COBL: variants seen among roughly 807,000 people sequenced by gnomAD.
COBL encodes the protein cordon-bleu WH2 repeat protein, also known as protein cordon-bleu.
In COBL, 51 loss-of-function variants were observed where a neutral mutation model predicts 98.8. The ratio of observed to expected loss-of-function variants is 0.52; its 90% CI spans 0.41 to 0.65. The LOEUF (loss-of-function observed/expected upper bound fraction) is 0.65. Ranked by LOEUF, COBL falls within the 30% of genes least tolerant of loss-of-function variation. The probability of loss-of-function intolerance (pLI) is 0.00; values close to 1 mark genes in which losing one functional copy is unlikely to be tolerated. For missense variants in COBL, 1,617 were observed against 1,617.5 expected (o/e 1.00, Z 0.01); for synonymous variants, 634 against 651.7 (o/e 0.97, Z 0.41).
intron 7 of COBL, among the ~76,000 whole-genome samples, chr7:51,082,540 A>G (rs1185584231): frequency 6.6e-6 from 1 of 152,232 alleles, no homozygotes; most frequent in East Asian, 1.9e-4. Flanking sequence ...GTACACTCAA[A>G]GTGAGCTGCT....
intron 6 of COBL, among the ~76,000 whole-genome samples, chr7:51,089,671 T>G (rs2128947539): frequency 6.6e-6 from 1 of 152,338 alleles, no homozygotes; most frequent in South Asian, 2.1e-4. Flanking sequence ...GTTAGCCATA[T>G]ATTTTCCTGT....
intron 1 of COBL, among the ~76,000 whole-genome samples, chr7:51,241,803 CA>C (rs1795819613): frequency 6.6e-6 from 1 of 152,178 alleles, no homozygotes; most frequent in South Asian, 2.1e-4. Flanking sequence ...TCACAAGGTC[CA>C]TCCTGCAGAG....
Position 51,252,343 on chromosome 7 carries a change from C to T in COBL, c.42-32399G>A, listed in dbSNP as rs1211640590. Among the ~76,000 whole-genome samples, 4 of 152,300 alleles carry T rather than the reference C, an allele frequency of 2.6e-5. No homozygotes were observed. The East Asian group carries it at 7.7e-4, about 29-fold the overall frequency. On this transcript the variant is annotated intron_variant, in intron 1 of 12. Transcript: ENST00000265136. Reference sequence around the variant, plus strand: ...TTTTTATCATCCCCAAAGGAAATCCCAAACCCATTAGCATCAGCAGTCACC... The same window carrying T: ...TTTTTATCATCCCCAAAGGAAATCCTAAACCCATTAGCATCAGCAGTCACC...
chr7:51,070,433 G>A (rs1030042866), intron 7 of COBL, among the ~76,000 whole-genome samples: 6 of 59,468 alleles, frequency 1.0e-4, no homozygotes, highest in East Asian at 8.4e-4. Context: ...ACAAAATTCC[G>A]AGAAGCCAGA....
Position 51,028,063 on chromosome 7 carries a change from C to A in COBL, c.3033G>T (p.Glu1011Asp). 1 of 1,612,498 alleles carries A rather than the reference C, an allele frequency of 6.2e-7. No individual in the cohort carries two copies. Among genetic ancestry groups the A allele is most frequent in the South Asian group, 1.1e-5 (1 of 90,656 alleles). The change falls in exon 10 of 13, where the codon GAG becomes GAT. Residue 1011 changes from glutamate to aspartate, a missense_variant. Transcript: ENST00000265136. ...TSSQEASSAS[E>D]PRRAPDGTDP... ...CTGTACCATCAGGTGCGCGTCTGGG[C>A]TCAGATGCTGAGCTGGCCTCCTGGC...
chr7:51,131,163 A>G (rs1178226398), intron 6 of COBL, among the ~76,000 whole-genome samples: 2 of 152,248 alleles, frequency 1.3e-5, no homozygotes, highest in Non-Finnish European at 2.9e-5. Context: ...AGACTTCTCA[A>G]GTTGGAATTT....
At chr7:51,309,574 AT>A (rs1802822855) in intron 1 of COBL, among the ~76,000 whole-genome samples, 1 of 152,214 alleles carries the variant, frequency 6.6e-6, no homozygotes, top group Non-Finnish European at 1.5e-5. Context: ...GTCTGTTCTC[AT>A]ACAGGCTGGC....
At chr7:51,101,552 C>T (rs1344348885) in intron 6 of COBL, among the ~76,000 whole-genome samples, 1 of 152,198 alleles carries the variant, frequency 6.6e-6, no homozygotes. Flanking sequence ...ACTGTCCTTA[C>T]CTTGCCTTCC....
At chr7:51,291,398 G>A (rs1297701114) in intron 1 of COBL, among the ~76,000 whole-genome samples, 1 of 152,152 alleles carries the variant, frequency 6.6e-6, no homozygotes, top group East Asian at 1.9e-4. Flanking sequence ...ATTTAAGTAT[G>A]GACAGGAAAT....
intron 1 of COBL, among the ~76,000 whole-genome samples, chr7:51,247,646 A>G (rs1022088129): frequency 6.6e-6 from 1 of 151,950 alleles, no homozygotes; most frequent in Non-Finnish European, 1.5e-5. Context: ...GGGGGTGGGG[A>G]GTCTTTCTCC....
At chr7:51,134,200 C>T (rs1182176926) in intron 6 of COBL, among the ~76,000 whole-genome samples, 1 of 152,148 alleles carries the variant, frequency 6.6e-6, no homozygotes, top group Non-Finnish European at 1.5e-5. Context: ...TAGTAAATAA[C>T]AAAATACCTT....
chr7:51,310,042 G>A (rs148588139), intron 1 of COBL, among the ~76,000 whole-genome samples: 2 of 152,346 alleles, frequency 1.3e-5, no homozygotes, highest in Non-Finnish European at 1.5e-5. Context: ...GGGAAGCTGC[G>A]GTGGCAAACA....
chr7:51,040,415 C>T (rs1789067751), intron 8 of COBL, among the ~76,000 whole-genome samples: 1 of 152,152 alleles, frequency 6.6e-6, no homozygotes, highest in South Asian at 2.1e-4. Context: ...CTGACCACAT[C>T]CCAGTGAAGG....
rs115498401 is a variant in COBL at position 51,105,683 on chromosome 7, C to G, written c.958-20379G>C. On this transcript the variant is annotated intron_variant, in intron 6 of 12. Coordinates refer to ENST00000265136, the MANE Select transcript of COBL (RefSeq NM_015198.5). ...GGAGGATTGATTGAGCCCAGTAGTT[C>G]GAGGCTGCAGTGAGCTGTGATCGTT... Among the ~76,000 whole-genome samples, 5 of 151,236 alleles carry G rather than the reference C, an allele frequency of 3.3e-5. No individual in the cohort carries two copies. In the East Asian group the frequency reaches 7.9e-4, roughly 24 times the overall value.
At chr7:51,073,940 G>T (rs911797886) in intron 7 of COBL, among the ~76,000 whole-genome samples, 3 of 152,142 alleles carry the variant, frequency 2.0e-5, no homozygotes, top group African/African-American at 7.2e-5. Context: ...TACCTGTGGA[G>T]CAAACTCCTC....
Position 51,316,598 on chromosome 7 carries a change from C to G in COBL, c.36G>C (p.Pro12=), listed in dbSNP as rs1252964149. Residue 12 remains proline (P), a synonymous_variant, in exon 1 of 13, where the codon CCG becomes CCC. Coordinates refer to ENST00000265136, the MANE Select transcript of COBL (RefSeq NM_015198.5). ...CCGACCGCGGGGCCGCTTACCCGGT[C>G]GGGGGCTTGGCCGCCGAGGCGCGCG... is the stretch of plus-strand genomic sequence containing the variant. ...DAPRASAAKP[P]TGRKMKARAP... 2.5e-6 allele frequency: 3 copies of G among 1,205,080 alleles called. No individual in the cohort carries two copies. Among genetic ancestry groups the G allele is most frequent in the East Asian group, 6.9e-5 (2 of 29,170 alleles). The allele number at this position is 1,205,080 out of a possible 1,614,324, so 74.6% of individuals were successfully genotyped here.
intron 7 of COBL, among the ~76,000 whole-genome samples, chr7:51,079,026 A>G (rs528878448): frequency 6.6e-6 from 1 of 152,200 alleles, no homozygotes; most frequent in Non-Finnish European, 1.5e-5. Context: ...TACCTTTGCC[A>G]TATTCTATTC....
Position 51,124,587 on chromosome 7 carries a change from G to A in COBL, c.957+11571C>T, listed in dbSNP as rs575674758. On this transcript the variant is annotated intron_variant, in intron 6 of 12. Coordinates refer to ENST00000265136, the MANE Select transcript of COBL (RefSeq NM_015198.5). ...AATGTTGCTAGTGGGAACTTCCCAT[G>A]GCGACGGCTGCTGCCACTGTCCTGG... Among the ~76,000 whole-genome samples, 4 of 152,286 alleles carry A rather than the reference G, an allele frequency of 2.6e-5. No homozygotes were observed. In the East Asian group the frequency reaches 7.7e-4, roughly 29 times the overall value.
intron 1 of COBL, among the ~76,000 whole-genome samples, chr7:51,298,302 C>T (rs1359986678): frequency 6.6e-6 from 1 of 152,240 alleles, no homozygotes; most frequent in Non-Finnish European, 1.5e-5. Flanking sequence ...ATTCCCACTG[C>T]TAAGCTGCTA....
Sources: gnomAD v4.1 joint callset for allele counts (sites outside exome capture counted in the v4.1 genomes callset) on GRCh38, gnomAD v4.1.1 for gene constraint, MANE v1.5 for transcripts, NCBI Gene and HGNC (gene_info 2026-07-23, HGNC 2026-07-21) for gene names.